The following C1orf226 variants were observed in gnomAD, a reference collection of about 807,000 sequenced individuals.
C1orf226 encodes chromosome 1 open reading frame 226.
A neutral mutation model predicts 10.5 loss-of-function variants in C1orf226; 4 were observed. That is an observed-to-expected ratio of 0.38 (90% confidence interval 0.19 to 0.87). C1orf226 has a LOEUF of 0.87. Ranked by LOEUF, C1orf226 falls within the 40% of genes least tolerant of loss-of-function variation. The probability of loss-of-function intolerance (pLI) is 0.41; values close to 1 mark genes in which losing one functional copy is unlikely to be tolerated. For synonymous variants in C1orf226, 125 were observed against 139.3 expected, an observed-to-expected ratio of 0.90 and a Z score of 0.72; for missense variants, 313 against 336.2, an observed-to-expected ratio of 0.93 and a Z score of 0.54.
At position 162,383,749 on chromosome 1, in the gene C1orf226, A is replaced by C. The variant is rs1648011625; in HGVS notation, c.*66A>C. On this transcript the variant is annotated 3_prime_UTR_variant, in exon 2 of 2. Transcript: ENST00000458626. ...TGCTGCTTTCTCCTCCACTGCGCAC[A>C]CTGGCCCTGGCCTCAACTCCGCTGT... 7 of 1,465,062 alleles carry C rather than the reference A, an allele frequency of 4.8e-6. No homozygotes were observed. The highest frequency in any genetic ancestry group is 2.0e-4 in the Middle Eastern group (1 of 4,910). The allele number at this position is 1,465,062 out of a possible 1,614,324, so 90.8% of individuals were successfully genotyped here.
Position 162,381,877 on chromosome 1 carries a change from C to G in C1orf226, c.-25C>G. The G allele has an allele frequency of 6.2e-7, 1 of 1,610,494 alleles. No homozygotes were observed. The highest frequency in any genetic ancestry group is 8.5e-7 in the Non-Finnish European group (1 of 1,179,336). On this transcript the variant is annotated 5_prime_UTR_variant, in exon 1 of 2. Transcript: ENST00000458626. ...TTTCCTCATCATGCCTCTCTGTCGCCTCTTTGTTCATAGTTGACCACGGCA... is the reference window on the plus strand; with the variant it reads ...TTTCCTCATCATGCCTCTCTGTCGCGTCTTTGTTCATAGTTGACCACGGCA...
Position 162,385,053 on chromosome 1 carries a change from G to T in C1orf226, c.*1370G>T, listed in dbSNP as rs1648062322. 1 of 152,644 alleles carries T rather than the reference G, an allele frequency of 6.6e-6. No individual in the cohort carries two copies. The allele number at this position is 152,644 out of a possible 1,614,324, so 9.5% of individuals were successfully genotyped here. A position where few individuals can be genotyped will look rare whatever the true frequency, so the allele number is the denominator to read the frequency against. On this transcript the variant is annotated 3_prime_UTR_variant, in exon 2 of 2. Coordinates refer to ENST00000458626, the MANE Select transcript of C1orf226 (RefSeq NM_001085375.2). ...TGTAAGGGGGTGATCCTAATTCTGG[G>T]GCTCTTTGCAGCAAGAGGAGAACGT...
rs1648111638 is a variant in C1orf226 at position 162,386,453 on chromosome 1, A to C, written c.*2770A>C. ...TAAAGGACCTATCTTCTCTGTCCAC[A>C]TAAGGAAGTTGGGACCACAAGGTCT... On this transcript the variant is annotated 3_prime_UTR_variant, in exon 2 of 2. Coordinates refer to ENST00000458626, the MANE Select transcript of C1orf226 (RefSeq NM_001085375.2). 6.6e-6 allele frequency: 1 copy of C among 152,228 alleles called. No individual in the cohort carries two copies. The highest frequency in any genetic ancestry group is 2.4e-5 in the African/African-American group (1 of 41,452). The allele number at this position is 152,228 out of a possible 1,614,324, so 9.4% of individuals were successfully genotyped here.
chr1:162,379,611 A>G (rs1647846240), upstream of C1orf226, among the ~76,000 whole-genome samples: 1 of 152,228 alleles, frequency 6.6e-6, no homozygotes, highest in Admixed American at 6.5e-5. Flanking sequence ...TATTTACTGG[A>G]AAGACTTAGA....
Position 162,384,456 on chromosome 1 carries a change from C to T in C1orf226, c.*773C>T, listed in dbSNP as rs1648043456. Reference sequence around the variant, plus strand: ...GCACGGAAGGAAAGATCAGGCTTCTCTTGCTGAGTGTGTGAAGACAGGGAG... The same window carrying T: ...GCACGGAAGGAAAGATCAGGCTTCTTTTGCTGAGTGTGTGAAGACAGGGAG... On this transcript the variant is annotated 3_prime_UTR_variant, in exon 2 of 2. Coordinates refer to ENST00000458626, the MANE Select transcript of C1orf226 (RefSeq NM_001085375.2). 6.5e-6 allele frequency: 1 copy of T among 152,688 alleles called. No homozygotes were observed. The highest frequency in any genetic ancestry group is 2.1e-4 in the South Asian group (1 of 4,834). The allele number at this position is 152,688 out of a possible 1,614,324, so 9.5% of individuals were successfully genotyped here.
Position 162,383,436 on chromosome 1 carries a change from C to T in C1orf226, c.572C>T (p.Pro191Leu). The change falls in exon 2 of 2, where the codon CCC becomes CTC. Residue 191 changes from proline to leucine, a missense_variant. Coordinates refer to ENST00000458626, the MANE Select transcript of C1orf226 (RefSeq NM_001085375.2). The part of the protein sequence containing the change: ...MEREERGKVL[P>L]NGEVSLSVPD... ...AGAGAAGAGAGAGGCAAAGTTCTGC[C>T]CAATGGAGAGGTTTCCCTGTCAGTA... The T allele has an allele frequency of 6.3e-7, 1 of 1,589,786 alleles. No homozygotes were observed. Among genetic ancestry groups the T allele is most frequent in the East Asian group, 2.3e-5 (1 of 43,682 alleles).
In C1orf226 at chr1:162,384,201, G is replaced by A. The variant is rs1488613237; in HGVS notation, c.*518G>A. On this transcript the variant is annotated 3_prime_UTR_variant, in exon 2 of 2. Transcript: ENST00000458626. The stretch of plus-strand genomic sequence containing the variant: ...TGTGTTTGGCTTGATGACAGGCCAT[G>A]GCCTAGAAAGCCACACACCCTGACC... 1 of 157,360 alleles carries A rather than the reference G, an allele frequency of 6.4e-6. No homozygotes were observed. Among genetic ancestry groups the A allele is most frequent in the Admixed American group, 6.2e-5 (1 of 16,050 alleles). The allele number at this position is 157,360 out of a possible 1,614,324, so 9.7% of individuals were successfully genotyped here. A position where few individuals can be genotyped will look rare whatever the true frequency, so the allele number is the denominator to read the frequency against.
chr1:162,386,113 T>C lies in C1orf226; in HGVS notation c.*2430T>C, dbSNP rs1648099573. Reference sequence around the variant, plus strand: ...TGCCCGTCCCCCTGCTGCAGGGATGTTGCTGCTACCTCGGGAGGCTCTCTG... The same window carrying C: ...TGCCCGTCCCCCTGCTGCAGGGATGCTGCTGCTACCTCGGGAGGCTCTCTG... On this transcript the variant is annotated 3_prime_UTR_variant, in exon 2 of 2. Transcript: ENST00000458626. 6.5e-6 allele frequency: 1 copy of C among 152,992 alleles called. No homozygotes were observed. The highest frequency in any genetic ancestry group is 2.1e-4 in the South Asian group (1 of 4,848). 9.5% of individuals were successfully genotyped at this position (152,992 alleles called of 1,614,324 possible).
rs778701532 is a variant in C1orf226, at chr1:162,382,186, C to T, written c.285C>T (p.Asp95=). ...TAGAQLASGT[D]AAPEAWLEDE... ...GAGCACAGCTGGCCAGTGGGACTGA[C>T]GCGGCTCCAGAGGCTTGGCTAGAGG... is the stretch of plus-strand genomic sequence containing the variant. Residue 95 remains aspartate (D), a synonymous_variant, in exon 1 of 2, where the codon GAC becomes GAT. Coordinates refer to ENST00000458626, the MANE Select transcript of C1orf226 (RefSeq NM_001085375.2). 22 of 1,584,466 alleles carry T rather than the reference C, an allele frequency of 1.4e-5. 1 individual carries two copies. Among genetic ancestry groups the T allele is most frequent in the Admixed American group, 5.4e-5 (3 of 55,752 alleles).
chr1:162,383,582 A>T lies in C1orf226; in HGVS notation c.718A>T (p.Ser240Cys). 1 of 1,605,290 alleles carries T rather than the reference A, an allele frequency of 6.2e-7. No homozygotes were observed. Among genetic ancestry groups the T allele is most frequent in the Non-Finnish European group, 8.5e-7 (1 of 1,175,672 alleles). ...CTTCAAACTCAGCTTGAGCCCCATC[A>T]GCCTGGCTGAGTCCTGGGAGGATGG... ...NGFKLSLSPI[S>C]LAESWEDGSP... is the part of the protein sequence containing the mutation. Residue 240 changes from serine to cysteine, a missense_variant, in exon 2 of 2, where the codon AGC (serine) becomes TGC (cysteine). Coordinates refer to ENST00000458626, the MANE Select transcript of C1orf226 (RefSeq NM_001085375.2).
Position 162,383,208 on chromosome 1 carries a change from G to C in C1orf226, c.344G>C (p.Arg115Pro). Reference protein sequence around the residue: ...ERSVLQETFPRLDPPPPITRK... With the variant: ...ERSVLQETFPPLDPPPPITRK... ...TCAGTCCTGCAAGAAACATTTCCTC[G>C]GCTGGATCCTCCACCTCCCATAACC... is the stretch of plus-strand genomic sequence containing the variant. The change falls in exon 2 of 2, where the codon CGG becomes CCG. Residue 115 changes from arginine (R) to proline (P), a missense_variant. Arg to Pro is a moderately radical substitution (Grantham distance 103, BLOSUM62 -2). Transcript: ENST00000458626. 1 of 1,599,372 alleles carries C rather than the reference G, an allele frequency of 6.3e-7. No individual in the cohort carries two copies. The highest frequency in any genetic ancestry group is 8.5e-7 in the Non-Finnish European group (1 of 1,172,612).
upstream of C1orf226, among the ~76,000 whole-genome samples, chr1:162,380,851 A>G (rs907052540): frequency 1.3e-5 from 2 of 152,254 alleles, no homozygotes; most frequent in African/African-American, 4.8e-5. Flanking sequence ...TGGCGATTCA[A>G]GATCTGTATT....
rs1648047525 is a variant in C1orf226 at position 162,384,613 on chromosome 1, G to A, written c.*930G>A. The A allele has an allele frequency of 6.5e-6, 1 of 152,854 alleles. No homozygotes were observed. Among genetic ancestry groups the A allele is most frequent in the Non-Finnish European group, 1.5e-5 (1 of 68,200 alleles). 9.5% of individuals were successfully genotyped at this position (152,854 alleles called of 1,614,324 possible). On this transcript the variant is annotated 3_prime_UTR_variant, in exon 2 of 2. Transcript: ENST00000458626. ...AGAGCAGAAGCAGGGAGAAGGGAGTGAGGATGGGACAGAGAAGAGCGACCA... is the reference window on the plus strand; with the variant it reads ...AGAGCAGAAGCAGGGAGAAGGGAGTAAGGATGGGACAGAGAAGAGCGACCA...
Position 162,383,916 on chromosome 1 carries a change from T to G in C1orf226, c.*233T>G. On this transcript the variant is annotated 3_prime_UTR_variant, in exon 2 of 2. Transcript: ENST00000458626. ...GAAGGACTTGATGCCGTTTTGAGCC[T>G]AATTTTCTGTAACCTCCTCTGAGTG... The G allele has an allele frequency of 1.9e-6, 1 of 534,948 alleles. No homozygotes were observed. The highest frequency in any genetic ancestry group is 3.5e-5 in the Admixed American group (1 of 28,372). The allele number at this position is 534,948 out of a possible 1,614,324, so 33.1% of individuals were successfully genotyped here.
At chr1:162,382,889 A>G (rs1030798336) in intron 1 of C1orf226, among the ~76,000 whole-genome samples, 1 of 152,232 alleles carries the variant, frequency 6.6e-6, no homozygotes, top group African/African-American at 2.4e-5. Context: ...CACAGGACTT[A>G]CTGCCTGGGT....
At position 162,381,807 on chromosome 1, in the gene C1orf226, T is replaced by C; in HGVS notation, c.-95T>C. On this transcript the variant is annotated 5_prime_UTR_variant, in exon 1 of 2. Transcript: ENST00000458626. ...CCTTGGAAGTTACAGGTTTTGGGTGTGGGATAAGGAAAAACTGAATGATAG... is the reference window on the plus strand; with the variant it reads ...CCTTGGAAGTTACAGGTTTTGGGTGCGGGATAAGGAAAAACTGAATGATAG... 1.3e-6 allele frequency: 2 copies of C among 1,533,822 alleles called. No homozygotes were observed. The highest frequency in any genetic ancestry group is 1.3e-5 in the South Asian group (1 of 77,958).
At chr1:162,379,285 AC>A (rs901377042), upstream of C1orf226, among the ~76,000 whole-genome samples, 1 of 151,738 alleles carries the variant, frequency 6.6e-6, no homozygotes, top group East Asian at 1.9e-4. Flanking sequence ...GGATAAAGGG[AC>A]CCCCCAGCCA....
Position 162,382,808 on chromosome 1 carries a change from G to T in C1orf226, c.318-374G>T, listed in dbSNP as rs79470253. 2.2e-3 allele frequency among the ~76,000 whole-genome samples: 338 copies of T among 152,286 alleles called. 1 individual carries two copies. Among genetic ancestry groups the T allele is most frequent in the African/African-American group, 7.7e-3 (321 of 41,552 alleles). ...CTGTTCTTCCCCCTCCTACCAACAG[G>T]CTCTTTCCAGGCCTTGTTTTAAACA... On this transcript the variant is annotated intron_variant, in intron 1 of 1. Coordinates refer to ENST00000458626, the MANE Select transcript of C1orf226 (RefSeq NM_001085375.2).
Position 162,384,834 on chromosome 1 carries a change from CTG to C in C1orf226, c.*1152_*1153del, listed in dbSNP as rs1648054660. On this transcript the variant is annotated 3_prime_UTR_variant, in exon 2 of 2. Coordinates refer to ENST00000458626, the MANE Select transcript of C1orf226 (RefSeq NM_001085375.2). ...GAAGTTGCCTGGGCCTCCTGCAGCT[CTG>C]GACCTCACTGGAGCGGCCCCGCCCT... is the stretch of plus-strand genomic sequence containing the variant. 6.5e-6 allele frequency: 1 copy of C among 153,112 alleles called. No homozygotes were observed. The highest frequency in any genetic ancestry group is 6.5e-5 in the Admixed American group (1 of 15,290). 9.5% of individuals were successfully genotyped at this position (153,112 alleles called of 1,614,324 possible).
Sources: gnomAD v4.1 joint callset for allele counts (sites outside exome capture counted in the v4.1 genomes callset) on GRCh38, gnomAD v4.1.1 for gene constraint, MANE v1.5 for transcripts, NCBI Gene and HGNC (gene_info 2026-07-23, HGNC 2026-07-21) for gene names.